NEK5: variants seen among roughly 807,000 people sequenced by gnomAD.
NEK5 encodes the protein serine/threonine-protein kinase Nek5.
Under a neutral mutation model 109.2 loss-of-function variants are expected in NEK5, and 88 were observed. That is an observed-to-expected ratio of 0.81 (90% CI 0.68 to 0.96). NEK5 has a LOEUF of 0.96. Among genes scored for constraint, NEK5 ranks in the 40% least tolerant of loss-of-function variants. The pLI is 0.00. For missense variants in NEK5, 834 were observed against 920.7 expected, an observed-to-expected ratio of 0.91 and a Z score of 1.22; for synonymous variants, 283 against 299.9, an observed-to-expected ratio of 0.94 and a Z score of 0.58.
At chr13:52,070,217 T>C (rs772187048) in intron 20 of NEK5, among the ~76,000 whole-genome samples, 13 of 152,104 alleles carry the variant, frequency 8.5e-5, no homozygotes, top group Non-Finnish European at 1.6e-4. Context: ...CCATTTTCCA[T>C]GGAAGGAAAG....
At chr13:52,128,198 T>C (rs566095225) in intron 1 of NEK5, among the ~76,000 whole-genome samples, 3 of 152,272 alleles carry the variant, frequency 2.0e-5, no homozygotes, top group African/African-American at 7.2e-5. Flanking sequence ...AACACTTCTT[T>C]TTTTTTTCGA....
chr13:52,064,566 C>A (rs1273164990), intron 21 of NEK5, among the ~76,000 whole-genome samples: 5 of 151,938 alleles, frequency 3.3e-5, no homozygotes, highest in Admixed American at 2.6e-4. Flanking sequence ...GCCCGGCCGC[C>A]CCTACTGGGA....
chr13:52,084,176 A>C (rs1407466298), intron 16 of NEK5, among the ~76,000 whole-genome samples: 1 of 152,176 alleles, frequency 6.6e-6, no homozygotes, highest in African/African-American at 2.4e-5. Context: ...GTGTCTCGTC[A>C]TTCCAACCAT....
intron 19 of NEK5, among the ~76,000 whole-genome samples, chr13:52,072,681 T>G (rs1186467104): frequency 6.6e-6 from 1 of 152,200 alleles, no homozygotes; most frequent in Non-Finnish European, 1.5e-5. Context: ...AATTTATGGT[T>G]GAACAGAGGT....
At chr13:52,087,820 T>C (rs1448127847) in intron 14 of NEK5, among the ~76,000 whole-genome samples, 1 of 152,046 alleles carries the variant, frequency 6.6e-6, no homozygotes, top group East Asian at 1.9e-4. Flanking sequence ...AGAGACAGGG[T>C]TTCACTGTGT....
chr13:52,086,017 A>T (rs1955133692), intron 16 of NEK5, among the ~76,000 whole-genome samples: 1 of 152,178 alleles, frequency 6.6e-6, no homozygotes, highest in African/African-American at 2.4e-5. Context: ...CATGAAGGAA[A>T]CAATCAATAA....
chr13:52,073,975 C>G (rs960214072), intron 19 of NEK5, among the ~76,000 whole-genome samples: 1 of 152,036 alleles, frequency 6.6e-6, no homozygotes, highest in African/African-American at 2.4e-5. Flanking sequence ...AGAAATCATA[C>G]ATGACATAAA....
chr13:52,103,385 C>T (rs552059573), intron 9 of NEK5, among the ~76,000 whole-genome samples: 6 of 152,290 alleles, frequency 3.9e-5, no homozygotes, highest in South Asian at 2.1e-4. Context: ...GAGCTGAGAT[C>T]GTGCCACCGC....
At chr13:52,079,772 C>T (rs1244514370) in intron 17 of NEK5, among the ~76,000 whole-genome samples, 363 of 107,048 alleles carry the variant, frequency 3.4e-3, no homozygotes, top group Admixed American at 5.3e-3. Flanking sequence ...TCGTCTGGGA[C>T]GTGAGGAGCC....
chr13:52,109,181 A>T (rs1264050035), intron 7 of NEK5, among the ~76,000 whole-genome samples: 1 of 152,146 alleles, frequency 6.6e-6, no homozygotes, highest in Non-Finnish European at 1.5e-5. Context: ...AAGCCCCCCA[A>T]CCAACTCATA....
chr13:52,052,652 G>C (rs1954517554), intron 22 of NEK5, among the ~76,000 whole-genome samples: 2 of 151,824 alleles, frequency 1.3e-5, no homozygotes, highest in Non-Finnish European at 2.9e-5. Context: ...TTAAATATTA[G>C]GCCCTGTTTT....
intron 23 of NEK5, among the ~76,000 whole-genome samples, chr13:52,040,169 C>G (rs1490527665): frequency 6.6e-6 from 1 of 151,554 alleles, no homozygotes; most frequent in African/African-American, 2.4e-5. Flanking sequence ...ACTGCAACCT[C>G]CGCCTCCCAG....
At chr13:52,038,965 C>A (rs2140877439) in intron 23 of NEK5, among the ~76,000 whole-genome samples, 1 of 151,822 alleles carries the variant, frequency 6.6e-6, no homozygotes, top group Non-Finnish European at 1.5e-5. Context: ...GAGAGTTGGG[C>A]ATGTTTATAT....
intron 15 of NEK5, among the ~76,000 whole-genome samples, chr13:52,086,575 T>A: frequency 6.6e-6 from 1 of 152,242 alleles, no homozygotes; most frequent in Non-Finnish European, 1.5e-5. Flanking sequence ...CAATTTTATA[T>A]ATAACCCAAA....
intron 23 of NEK5, among the ~76,000 whole-genome samples, chr13:52,046,058 G>A (rs1486954085): frequency 3.7e-5 from 5 of 135,262 alleles, no homozygotes; most frequent in African/African-American, 1.1e-4. Context: ...GCAACAGAGC[G>A]AGACTCCATC....
chr13:52,107,816 T>G (rs972960572), intron 8 of NEK5, among the ~76,000 whole-genome samples: 1 of 152,120 alleles, frequency 6.6e-6, no homozygotes, highest in African/African-American at 2.4e-5. Flanking sequence ...AGGAACTCCC[T>G]AAACCTCCAT....
At position 52,102,086 on chromosome 13, in the gene NEK5, A is replaced by T. The variant is rs766069064; in HGVS notation, c.810+6T>A. ...CCAAAATCCAAACAGTCACCTCAAA[A>T]CTTACCTCAGGAGTCAAATATTTGG... On this transcript the variant is annotated splice_donor_region_variant and intron_variant, in intron 10 of 23. Transcript: ENST00000684899. 7.4e-6 allele frequency: 12 copies of T among 1,613,582 alleles called. No individual in the cohort carries two copies. Among genetic ancestry groups the T allele is most frequent in the East Asian group, 4.5e-5 (2 of 44,848 alleles).
At chr13:52,075,401 T>C (rs1307524126) in intron 19 of NEK5, among the ~76,000 whole-genome samples, 3 of 152,130 alleles carry the variant, frequency 2.0e-5, no homozygotes. Context: ...GAAAACCAAA[T>C]TCTGCATGTT....
Position 52,093,428 on chromosome 13 carries a change from C to T in NEK5, c.1027-193G>A, listed in dbSNP as rs190249706. Among the ~76,000 whole-genome samples, 72 of 151,920 alleles carry T rather than the reference C, an allele frequency of 4.7e-4. 4 individuals carry two copies. The East Asian group carries it at 8.2e-3, about 17-fold the overall frequency. On this transcript the variant is annotated intron_variant, in intron 12 of 23. Transcript: ENST00000684899. ...TACAAAAATTATCCAGGCATGGTGG[C>T]GCACGCCTGTAATCCCAGCTACTTG...
Sources: allele counts gnomAD v4.1 joint callset (sites outside exome capture counted in the v4.1 genomes callset), GRCh38; gene constraint gnomAD v4.1.1; transcripts MANE v1.5; gene names NCBI Gene and HGNC (gene_info 2026-07-23, HGNC 2026-07-21).